The following NAALADL2 variants were observed in gnomAD, a reference collection of about 807,000 sequenced individuals.
NAALADL2 encodes the protein N-acetylated alpha-linked acidic dipeptidase like 2, also known as inactive N-acetylated-alpha-linked acidic dipeptidase-like protein 2.
A neutral mutation model predicts 87.2 loss-of-function variants in NAALADL2; 76 were observed. The observed-to-expected ratio is 0.87, with a 90% CI of 0.72 to 1.05. NAALADL2 has a LOEUF of 1.05. Ranked by LOEUF, NAALADL2 falls within the 50% of genes least tolerant of loss-of-function variation. The probability of loss-of-function intolerance (pLI) is 0.00; values close to 1 mark genes in which losing one functional copy is unlikely to be tolerated. For synonymous variants in NAALADL2, 354 were observed against 331.0 expected (o/e 1.07, Z -0.75); for missense variants, 1,089 against 945.8 (o/e 1.15, Z -1.99).
At chr3:174,825,452 C>G (rs532659598) in intron 3 of NAALADL2, among the ~76,000 whole-genome samples, 1 of 152,294 alleles carries the variant, frequency 6.6e-6, no homozygotes, top group African/African-American at 2.4e-5. Context: ...CCTTTTTGTT[C>G]TATCTAGGCC....
At chr3:175,422,439 T>C (rs1389075963) in intron 5 of NAALADL2, among the ~76,000 whole-genome samples, 2 of 152,128 alleles carry the variant, frequency 1.3e-5, no homozygotes. Flanking sequence ...CTTTCCACTC[T>C]ATACAATATT....
intron 1 of NAALADL2, among the ~76,000 whole-genome samples, chr3:175,013,119 T>TATATA (rs370107798): frequency 0.038 from 898 of 23,560 alleles, 123 homozygotes; most frequent in East Asian, 0.1. Context: ...TATATATAAA[T>TATATA]ATACATATTT....
chr3:174,949,611 A>G (rs1244891324), intron 1 of NAALADL2, among the ~76,000 whole-genome samples: 2 of 152,210 alleles, frequency 1.3e-5, no homozygotes, highest in Non-Finnish European at 2.9e-5. Context: ...ACCAGGACCA[A>G]CATCACAAAT....
intron 2 of NAALADL2, among the ~76,000 whole-genome samples, chr3:174,706,572 C>T (rs1448436676): frequency 6.6e-6 from 1 of 152,142 alleles, no homozygotes; most frequent in Non-Finnish European, 1.5e-5. Flanking sequence ...AAAATTTTCT[C>T]CTATTCTGTA....
In NAALADL2 at chr3:175,627,400, G is replaced by T; in HGVS notation, c.1896+14G>T. On this transcript the variant is annotated intron_variant, in intron 11 of 13. Transcript: ENST00000454872. ...ACCATTACTAAGGTAGGGGAGAAAT[G>T]CATTCAAAAATAGGTGAGAAATATT... The T allele has an allele frequency of 6.1e-6, 9 of 1,478,676 alleles. No homozygotes were observed. The highest frequency in any genetic ancestry group is 8.3e-6 in the Non-Finnish European group (9 of 1,085,884). 91.6% of individuals were successfully genotyped at this position (1,478,676 alleles called of 1,614,324 possible).
At chr3:174,874,250 A>C (rs1728204453) in intron 1 of NAALADL2, among the ~76,000 whole-genome samples, 2 of 152,208 alleles carry the variant, frequency 1.3e-5, no homozygotes, top group African/African-American at 2.4e-5. Flanking sequence ...CTACATTTTC[A>C]GTGAACTGCT....
At chr3:175,397,968 A>G (rs759353948) in intron 5 of NAALADL2, among the ~76,000 whole-genome samples, 4 of 152,274 alleles carry the variant, frequency 2.6e-5, no homozygotes, top group East Asian at 1.9e-4. Context: ...TTTTAGTCTT[A>G]TCTCTTGATT....
chr3:174,784,458 G>A (rs1716358545), intron 3 of NAALADL2, among the ~76,000 whole-genome samples: 1 of 152,064 alleles, frequency 6.6e-6, no homozygotes, highest in African/African-American at 2.4e-5. Context: ...AATCATTCAT[G>A]GTCTGATTAC....
At chr3:174,969,774 T>G (rs1469460005) in intron 1 of NAALADL2, among the ~76,000 whole-genome samples, 1 of 152,144 alleles carries the variant, frequency 6.6e-6, no homozygotes, top group African/African-American at 2.4e-5. Context: ...CTTAGGCCAC[T>G]GCACTCTAGG....
At chr3:175,737,524 C>A in intron 12 of NAALADL2, 125 bp downstream of exon 12, 1 of 629,770 alleles carries the variant, frequency 1.6e-6, no homozygotes, top group Non-Finnish European at 2.8e-6. Flanking sequence ...CCTGGAGAGG[C>A]TGATCCTGGG....
At chr3:175,599,272 C>A (rs1272083117) in intron 10 of NAALADL2, among the ~76,000 whole-genome samples, 1 of 151,878 alleles carries the variant, frequency 6.6e-6, no homozygotes, top group South Asian at 2.1e-4. Flanking sequence ...TCCATAGTCC[C>A]AATAAAATTA....
intron 1 of NAALADL2, among the ~76,000 whole-genome samples, chr3:174,875,390 A>G (rs1347592446): frequency 2.6e-5 from 4 of 152,156 alleles, no homozygotes. Flanking sequence ...ATATATTTGC[A>G]TAGAAATACA....
At chr3:175,091,092 C>A (rs1318040383) in intron 1 of NAALADL2, among the ~76,000 whole-genome samples, 3 of 151,994 alleles carry the variant, frequency 2.0e-5, no homozygotes, top group Non-Finnish European at 4.4e-5. Flanking sequence ...AAGCTTTCAA[C>A]AACAAAAATT....
At chr3:174,680,941 A>G (rs1727477801) in intron 2 of NAALADL2, among the ~76,000 whole-genome samples, 1 of 152,192 alleles carries the variant, frequency 6.6e-6, no homozygotes, top group African/African-American at 2.4e-5. Flanking sequence ...AGAGGGTGGG[A>G]AAGAGCATCT....
At chr3:174,583,344 A>G (rs1012517928) in intron 2 of NAALADL2, among the ~76,000 whole-genome samples, 1 of 152,172 alleles carries the variant, frequency 6.6e-6, no homozygotes, top group Admixed American at 6.5e-5. Flanking sequence ...AGTTTATGGT[A>G]TATGTAGTCT....
At chr3:174,490,591 C>A (rs1718125072) in intron 1 of NAALADL2, among the ~76,000 whole-genome samples, 1 of 152,002 alleles carries the variant, frequency 6.6e-6, no homozygotes, top group Admixed American at 6.6e-5. Context: ...AAGTCAAGAA[C>A]TCCTGGTTTC....
chr3:175,004,800 C>T (rs988550754), intron 1 of NAALADL2, among the ~76,000 whole-genome samples: 20 of 151,652 alleles, frequency 1.3e-4, no homozygotes, highest in African/African-American at 4.1e-4. Context: ...ATATATGAAA[C>T]ATAAATGCAG....
intron 1 of NAALADL2, among the ~76,000 whole-genome samples, chr3:174,512,883 G>T (rs77458149): frequency 6.6e-6 from 1 of 151,670 alleles, no homozygotes; most frequent in Non-Finnish European, 1.5e-5. Flanking sequence ...CCTGGTATCT[G>T]TTACTTCACC....
At chr3:175,558,467 T>C (rs576645326) in intron 9 of NAALADL2, among the ~76,000 whole-genome samples, 5 of 152,160 alleles carry the variant, frequency 3.3e-5, no homozygotes, top group Non-Finnish European at 7.3e-5. Flanking sequence ...TTGTCTGTGC[T>C]TGTGGTGTAT....
Sources: allele counts gnomAD v4.1 joint callset (sites outside exome capture counted in the v4.1 genomes callset), GRCh38; gene constraint gnomAD v4.1.1; transcripts MANE v1.5; gene names NCBI Gene and HGNC (gene_info 2026-07-23, HGNC 2026-07-21).